The following TUBGCP3 variants were observed in gnomAD, a reference collection of about 807,000 sequenced individuals.
TUBGCP3 encodes gamma-tubulin complex component 3.
In TUBGCP3, 50 loss-of-function variants were observed where a neutral mutation model predicts 123.1. That is an observed-to-expected ratio of 0.41 (90% confidence interval 0.32 to 0.51). TUBGCP3 has a LOEUF of 0.51. Ranked by LOEUF, TUBGCP3 falls within the 20% of genes least tolerant of loss-of-function variation. The probability of loss-of-function intolerance (pLI) is 0.36; values close to 1 mark genes in which losing one functional copy is unlikely to be tolerated. For synonymous variants in TUBGCP3, 405 were observed against 413.9 expected, an observed-to-expected ratio of 0.98 and a Z score of 0.26; for missense variants, 882 against 1,127.0, an observed-to-expected ratio of 0.78 and a Z score of 3.11.
intron 12 of TUBGCP3, 21 bp from the exon 13 acceptor site, chr13:112,527,071 T>C (rs376442913): frequency 3.0e-5 from 47 of 1,573,640 alleles, no homozygotes; most frequent in Non-Finnish European, 4.0e-5. Flanking sequence ...AAACATTCTA[T>C]GATTACTTTT....
chr13:112,543,643 T>C (rs1878713612), intron 11 of TUBGCP3, among the ~76,000 whole-genome samples: 1 of 152,148 alleles, frequency 6.6e-6, no homozygotes, highest in African/African-American at 2.4e-5. Flanking sequence ...GATTCAAGTA[T>C]ATAGAGAAAT....
chr13:112,569,602 A>G (rs1014309207), intron 1 of TUBGCP3, among the ~76,000 whole-genome samples: 2 of 152,198 alleles, frequency 1.3e-5, no homozygotes, highest in African/African-American at 4.8e-5. Context: ...AGAGCCTCTG[A>G]GTAACTCCAG....
rs777082525 is a variant in TUBGCP3 at position 112,563,707 on chromosome 13, C to CAA, written c.252+1403_252+1404insTT. Among the ~76,000 whole-genome samples the CAA allele has an allele frequency of 1.8e-3, 189 of 103,390 alleles. 5 individuals carry two copies. The highest frequency in any genetic ancestry group is 5.2e-3 in the Middle Eastern group (1 of 192). The allele number at this position is 103,390 out of a possible 152,430, so 67.8% of individuals were successfully genotyped here. ...TGAAACCCCATCTCTACTAAAAATA[C>CAA]CAAAAAAAAAAAAAAAAATTAGCCG... On this transcript the variant is annotated intron_variant, in intron 3 of 21. Coordinates refer to ENST00000261965, the MANE Select transcript of TUBGCP3 (RefSeq NM_006322.6).
rs765834285 is a variant in TUBGCP3, at chr13:112,565,176, T to C, written c.187A>G (p.Ile63Val). 1.2e-5 allele frequency: 20 copies of C among 1,612,236 alleles called. No homozygotes were observed. The South Asian group carries it at 1.9e-4, about 15-fold the overall frequency. The stretch of plus-strand genomic sequence containing the variant: ...GCATCTGCTTCTCTTCGTTGTCGAA[T>C]AACTGAAAAGACAGAAAAAAAATAA... Reference protein sequence around the residue: ...LVAEKIKKELIRQRREADAAL... With the variant: ...LVAEKIKKELVRQRREADAAL... Residue 63 changes from isoleucine to valine, a missense_variant and splice_region_variant, in exon 3 of 22, where the codon ATT becomes GTT. This residue lies in a region of TUBGCP3 where 713 missense variants were observed against 874.0 expected (regional missense o/e 0.82). Coordinates refer to ENST00000261965, the MANE Select transcript of TUBGCP3 (RefSeq NM_006322.6).
chr13:112,571,216 G>C (rs1881362606), intron 1 of TUBGCP3, among the ~76,000 whole-genome samples: 1 of 152,170 alleles, frequency 6.6e-6, no homozygotes, highest in African/African-American at 2.4e-5. Context: ...ACTTTGCCCA[G>C]ATCCATCAGA....
chr13:112,574,257 C>T (rs1213188932), intron 1 of TUBGCP3, among the ~76,000 whole-genome samples: 1 of 132,744 alleles, frequency 7.5e-6, no homozygotes, highest in African/African-American at 2.9e-5. Context: ...GGGCACTCCA[C>T]GCTCACAGTG....
At chr13:112,541,541 C>CAAAAAAAAAAAA in intron 11 of TUBGCP3, among the ~76,000 whole-genome samples, 1 of 102,804 alleles carries the variant, frequency 9.7e-6, no homozygotes, top group Non-Finnish European at 2.2e-5. Flanking sequence ...GACTCCGTCT[C>CAAAAAAAAAAAA]AAAAAAAAAA....
chr13:112,498,764 G>A (rs1880689073), intron 20 of TUBGCP3: 5 of 1,534,134 alleles, frequency 3.3e-6, no homozygotes, highest in African/African-American at 1.4e-5. Context: ...GGTGACATCG[G>A]CATTGTGGCA....
At chr13:112,523,432 A>AG (rs1374053211) in intron 13 of TUBGCP3, among the ~76,000 whole-genome samples, 1 of 152,226 alleles carries the variant, frequency 6.6e-6, no homozygotes, top group African/African-American at 2.4e-5. Flanking sequence ...TGTTGCTATT[A>AG]TTCCAATTTC....
At chr13:112,506,414 C>T (rs549475134) in intron 17 of TUBGCP3, among the ~76,000 whole-genome samples, 104 of 152,338 alleles carry the variant, frequency 6.8e-4, no homozygotes, top group Middle Eastern at 3.4e-3. Context: ...TGCAAAGAAT[C>T]CTCAGCGCTC....
intron 3 of TUBGCP3, among the ~76,000 whole-genome samples, chr13:112,561,237 C>T (rs552558380): frequency 6.6e-6 from 1 of 152,308 alleles, no homozygotes; most frequent in East Asian, 1.9e-4. Context: ...TGTGCTCAGG[C>T]ATGTGTCCCC....
At chr13:112,573,556 C>T (rs1158347000) in intron 1 of TUBGCP3, among the ~76,000 whole-genome samples, 5 of 152,174 alleles carry the variant, frequency 3.3e-5, no homozygotes, top group Non-Finnish European at 5.9e-5. Flanking sequence ...TCTGCAGAGG[C>T]AAACTCCCAA....
chr13:112,492,811 G>C (rs1880200348), intron 20 of TUBGCP3, among the ~76,000 whole-genome samples: 1 of 151,014 alleles, frequency 6.6e-6, no homozygotes, highest in Non-Finnish European at 1.5e-5. Flanking sequence ...GTGTGCCTGA[G>C]ACGCTCTGGC....
chr13:112,587,559 C>T (rs1007332038), intron 1 of TUBGCP3, among the ~76,000 whole-genome samples: 1 of 152,252 alleles, frequency 6.6e-6, no homozygotes, highest in East Asian at 1.9e-4. Context: ...GCATTCCTCC[C>T]GTCCTCACTG....
chr13:112,519,558 G>A lies in TUBGCP3; in HGVS notation c.1881+328C>T, dbSNP rs1426772105. Among the ~76,000 whole-genome samples, 1 of 152,174 alleles carries A rather than the reference G, an allele frequency of 6.6e-6. No homozygotes were observed. Among genetic ancestry groups the A allele is most frequent in the Non-Finnish European group, 1.5e-5 (1 of 68,028 alleles). On this transcript the variant is annotated intron_variant, in intron 15 of 21. Transcript: ENST00000261965. This position sits in a 1 kb window ranked among gnomAD's most constrained non-coding sequence, Gnocchi z 6.2. ...TGTGCTCCTGTTGGATTTACTATGA[G>A]AAGAAAGCACCATTTTCTAAGCATC...
At chr13:112,595,068 A>C in the TUBGCP3 span, among the ~76,000 whole-genome samples, 30 of 152,102 alleles carry the variant, frequency 2.0e-4, no homozygotes, top group Non-Finnish European at 3.4e-4. Flanking sequence ...GATCCAGTTG[A>C]TTGTTCATAA....
chr13:112,514,282 C>A (rs1017177543), intron 17 of TUBGCP3, among the ~76,000 whole-genome samples: 2 of 130,900 alleles, frequency 1.5e-5, no homozygotes, highest in Non-Finnish European at 1.5e-5. Flanking sequence ...AGGTTTCAGG[C>A]ATCCATGGGG....
chr13:112,530,228 T>C (rs1877466924), intron 11 of TUBGCP3, among the ~76,000 whole-genome samples: 1 of 152,256 alleles, frequency 6.6e-6, no homozygotes, highest in South Asian at 2.1e-4. Flanking sequence ...TAAAATGTTA[T>C]ACTTGCATTA....
At chr13:112,598,644 CTAAT>C in the TUBGCP3 span, among the ~76,000 whole-genome samples, 4 of 152,022 alleles carry the variant, frequency 2.6e-5, no homozygotes, top group African/African-American at 9.7e-5. Flanking sequence ...AACTACCAAA[CTAAT>C]AAAGAGTAAA....
Sources: allele counts gnomAD v4.1 joint callset (sites outside exome capture counted in the v4.1 genomes callset), GRCh38; gene constraint gnomAD v4.1.1; regional missense constraint gnomAD v4.1.1; non-coding constraint Gnocchi (gnomAD v3.1); transcripts MANE v1.5; gene names NCBI Gene and HGNC (gene_info 2026-07-23, HGNC 2026-07-21).